The following POLN variants were observed in gnomAD, a reference collection of about 807,000 sequenced individuals.
POLN encodes the protein DNA polymerase nu.
In POLN, 108 loss-of-function variants were observed where a neutral mutation model predicts 113.5. The ratio of observed to expected loss-of-function variants is 0.95; its 90% CI spans 0.81 to 1.12. The LOEUF (loss-of-function observed/expected upper bound fraction) is 1.12. POLN is among the 50% of genes most tolerant of loss of function. The pLI, the probability that POLN is intolerant of heterozygous loss-of-function variation, is 0.00. For synonymous variants in POLN, 386 were observed against 391.5 expected, an observed-to-expected ratio of 0.99 and a Z score of 0.17; for missense variants, 1,097 against 1,077.1, an observed-to-expected ratio of 1.02 and a Z score of -0.26.
chr4:2,080,661 G>A, intron 23 of POLN: 1 of 1,310,704 alleles, frequency 7.6e-7, no homozygotes. Context: ...CTCTGGGGTG[G>A]GCAGCCTCAA....
chr4:2,146,326 C>A (rs1049024725), intron 16 of POLN, among the ~76,000 whole-genome samples: 1 of 139,092 alleles, frequency 7.2e-6, no homozygotes, highest in Non-Finnish European at 1.6e-5. Context: ...GCTAACATGA[C>A]GAAACTCCGT....
chr4:2,105,803 AGT>A (rs1731050908), intron 19 of POLN, among the ~76,000 whole-genome samples: 1 of 107,136 alleles, frequency 9.3e-6, no homozygotes, highest in African/African-American at 3.3e-5. Context: ...CCAGACAAAT[AGT>A]GATGATGATG....
chr4:2,071,925 C>G lies in POLN; in HGVS notation c.*189G>C. 1.3e-6 allele frequency: 1 copy of G among 753,430 alleles called. No individual in the cohort carries two copies. Among genetic ancestry groups the G allele is most frequent in the South Asian group, 1.5e-5 (1 of 68,256 alleles). The allele number at this position is 753,430 out of a possible 1,614,324, so 46.7% of individuals were successfully genotyped here. ...TGGGGGTGGTGGACGCGGCACTTCC[C>G]ACTCACAGGAAGAATTCACTCAGAC... On this transcript the variant is annotated 3_prime_UTR_variant, in exon 26 of 26. Transcript: ENST00000511885. The surrounding 1 kb of genome is among the most constrained non-coding windows in gnomAD (Gnocchi z 5.2).
At chr4:2,155,741 T>C (rs1732408113) in intron 16 of POLN, among the ~76,000 whole-genome samples, 1 of 152,196 alleles carries the variant, frequency 6.6e-6, no homozygotes, top group Non-Finnish European at 1.5e-5. Context: ...TAAATTTAAA[T>C]ATAGATTCAA....
intron 13 of POLN, among the ~76,000 whole-genome samples, chr4:2,169,622 G>A (rs1732811972): frequency 6.6e-6 from 1 of 152,196 alleles, no homozygotes; most frequent in Non-Finnish European, 1.5e-5. Context: ...AGTAGGGAAA[G>A]TACTATTATT....
intron 20 of POLN, among the ~76,000 whole-genome samples, chr4:2,087,413 T>C (rs1222620277): frequency 1.3e-5 from 2 of 152,232 alleles, no homozygotes; most frequent in Admixed American, 6.5e-5. Context: ...AATCAGATGG[T>C]GGCCAGATAC....
At position 2,207,372 on chromosome 4, in the gene POLN, T is replaced by G. The variant is rs188526927; in HGVS notation, c.714+615A>C. Reference sequence around the variant, plus strand: ...AAGGAAAGGAAAAGGAAAAGGAAAATGAAAAGGAAAGGTTTTTAAAAAAAT... The same window carrying G: ...AAGGAAAGGAAAAGGAAAAGGAAAAGGAAAAGGAAAGGTTTTTAAAAAAAT... On this transcript the variant is annotated intron_variant, in intron 5 of 25. Coordinates refer to ENST00000511885, the MANE Select transcript of POLN (RefSeq NM_181808.4). 3.9e-4 allele frequency among the ~76,000 whole-genome samples: 59 copies of G among 150,936 alleles called. 1 individual carries two copies. Among genetic ancestry groups the G allele is most frequent in the African/African-American group, 1.2e-3 (48 of 41,090 alleles).
chr4:2,073,923 T>G (rs748612823), intron 24 of POLN, among the ~76,000 whole-genome samples: 23 of 152,202 alleles, frequency 1.5e-4, no homozygotes, highest in Non-Finnish European at 3.1e-4. Flanking sequence ...TGCAGGGAGC[T>G]GTCGGCCAGC....
intron 3 of POLN, among the ~76,000 whole-genome samples, chr4:2,215,218 C>T (rs972943447): frequency 2.0e-5 from 3 of 152,058 alleles, no homozygotes; most frequent in African/African-American, 4.8e-5. Context: ...AAAAGAATGA[C>T]CTTGTTAAAA....
intron 24 of POLN, among the ~76,000 whole-genome samples, chr4:2,074,725 C>G (rs1730235515): frequency 6.6e-6 from 1 of 152,146 alleles, no homozygotes; most frequent in East Asian, 1.9e-4. Flanking sequence ...CCCCGTGCCT[C>G]TTCTCCCAAC....
At chr4:2,076,032 G>A (rs759416178) in intron 23 of POLN, among the ~76,000 whole-genome samples, 10 of 152,128 alleles carry the variant, frequency 6.6e-5, no homozygotes, top group Non-Finnish European at 1.2e-4. Context: ...GCTCTGGTGA[G>A]CATCCAGCCA....
At chr4:2,121,155 C>G (rs1422999174) in intron 19 of POLN, among the ~76,000 whole-genome samples, 1 of 151,976 alleles carries the variant, frequency 6.6e-6, no homozygotes, top group Non-Finnish European at 1.5e-5. Flanking sequence ...GCTATTGGGG[C>G]TGGGTGTGGT....
In POLN at chr4:2,171,114, T is replaced by C. The variant is rs770319242; in HGVS notation, c.1442A>G (p.Asn481Ser). The change falls in exon 12 of 26, where the codon AAT becomes AGT. Residue 481 changes from asparagine (N) to serine (S), a missense_variant. By Grantham distance (46) the Asn-to-Ser change is conservative. Transcript: ENST00000511885. Reference protein sequence around the residue: ...VAGERFLITSNNQLREILFGK... With the variant: ...VAGERFLITSSNQLREILFGK... The stretch of plus-strand genomic sequence containing the variant: ...CAGCTTTACCTCTCGAAGCTGGTTA[T>C]TGCTCGTTATAAGAAACCGTTCTCC... The C allele has an allele frequency of 1.9e-5, 31 of 1,613,334 alleles. No homozygotes were observed. In the Middle Eastern group the frequency reaches 6.6e-4, roughly 34 times the overall value.
intron 5 of POLN, among the ~76,000 whole-genome samples, chr4:2,201,277 CAAAAAA>C (rs35399602): frequency 5.1e-4 from 8 of 15,834 alleles, no homozygotes; most frequent in South Asian, 8.5e-3. Flanking sequence ...CCTACCACTC[CAAAAAA>C]AAAAAAAAAA....
intron 5 of POLN, among the ~76,000 whole-genome samples, chr4:2,206,374 T>C (rs941645458): frequency 9.2e-5 from 14 of 152,086 alleles, no homozygotes; most frequent in Admixed American, 9.2e-4. Flanking sequence ...AAAGCAAATG[T>C]AATAAAAACA....
At chr4:2,142,397 C>T (rs1387347475) in intron 16 of POLN, among the ~76,000 whole-genome samples, 2 of 152,334 alleles carry the variant, frequency 1.3e-5, no homozygotes, top group East Asian at 3.9e-4. Context: ...TACCCCTGTG[C>T]TATCAAGTAT....
At chr4:2,198,386 T>C in intron 6 of POLN, 138 bp downstream of exon 6, 2 of 654,948 alleles carry the variant, frequency 3.1e-6, no homozygotes, top group Non-Finnish European at 4.7e-6. Flanking sequence ...TTTCTATCAC[T>C]TGGATCCATT....
At chr4:2,156,457 T>G (rs1273567115) in intron 16 of POLN, 1 of 496,546 alleles carries the variant, frequency 2.0e-6, no homozygotes, top group Admixed American at 2.3e-5. Flanking sequence ...ATCAGATACT[T>G]CAACACATTT....
rs745538606 is a variant in POLN, at chr4:2,131,297, A to G, written c.1732-7T>C. On this transcript the variant is annotated splice_polypyrimidine_tract_variant and splice_region_variant and intron_variant, in intron 16 of 25. Transcript: ENST00000511885. ...TGGAGATACCTTGGATATTCTGTTA[A>G]TAATAAGAGACTAGCTTTAGTTAAA... The G allele has an allele frequency of 4.5e-6, 7 of 1,556,070 alleles. No homozygotes were observed. Among genetic ancestry groups the G allele is most frequent in the Admixed American group, 3.4e-5 (2 of 59,056 alleles).
Sources: gnomAD v4.1 joint callset for allele counts (sites outside exome capture counted in the v4.1 genomes callset) on GRCh38, gnomAD v4.1.1 for gene constraint, Gnocchi (gnomAD v3.1) non-coding constraint, MANE v1.5 for transcripts, NCBI Gene and HGNC (gene_info 2026-07-23, HGNC 2026-07-21) for gene names.